AIM2: variants seen among roughly 807,000 people sequenced by gnomAD.
AIM2 encodes the protein interferon-inducible protein AIM2.
In AIM2, 30 loss-of-function variants were observed where a neutral mutation model predicts 27.7. The ratio of observed to expected loss-of-function variants is 1.08; its 90% CI spans 0.81 to 1.47. The LOEUF is 1.47. Ranked by LOEUF, AIM2 falls within the 40% of genes most tolerant of loss-of-function variation. AIM2 has a pLI of 0.00. For synonymous variants in AIM2, 141 were observed against 145.3 expected, an observed-to-expected ratio of 0.97 and a Z score of 0.21; for missense variants, 358 against 411.3, an observed-to-expected ratio of 0.87 and a Z score of 1.12.
downstream of AIM2, among the ~76,000 whole-genome samples, chr1:159,061,532 A>G (rs542573155): frequency 2.7e-5 from 4 of 146,724 alleles, no homozygotes; most frequent in South Asian, 6.5e-4. Context: ...AGCTGGGATT[A>G]CAGGTGCCCA....
In AIM2 at chr1:159,102,990, CA is replaced by C. The variant is rs1039321574; in HGVS notation, c.-15-36662del. Among the ~76,000 whole-genome samples the C allele has an allele frequency of 1.1e-3, 167 of 152,218 alleles. 1 individual carries two copies. The highest frequency in any genetic ancestry group is 3.8e-3 in the African/African-American group (159 of 41,520). On this transcript the variant is annotated intron_variant, in intron 1 of 2. Coordinates refer to the AIM2 transcript ENST00000368129. ...TGAGGACATGAGATTTGGGAGGGGT[CA>C]GGGGTGGGAAGTTATAGTTTGCCTC...
chr1:159,143,537 G>A (rs1032697851), upstream of AIM2, among the ~76,000 whole-genome samples: 9 of 150,386 alleles, frequency 6.0e-5, no homozygotes, highest in Non-Finnish European at 1.0e-4. Flanking sequence ...GTAAGGGAAA[G>A]GAAAAGCTAG....
At chr1:159,120,066 T>C (rs1399207600) in intron 1 of AIM2, among the ~76,000 whole-genome samples, 3 of 152,188 alleles carry the variant, frequency 2.0e-5, no homozygotes, top group Non-Finnish European at 2.9e-5. Context: ...TCTCCCCTCC[T>C]AATTTCTTTG....
intron 2 of AIM2, among the ~76,000 whole-genome samples, chr1:159,071,443 A>G (rs978746589): frequency 6.6e-6 from 1 of 152,260 alleles, no homozygotes; most frequent in African/African-American, 2.4e-5. Context: ...CCGTGGATAG[A>G]ATTTTAGAGC....
At chr1:159,139,701 G>T (rs1648075515) in intron 1 of AIM2, among the ~76,000 whole-genome samples, 2 of 152,166 alleles carry the variant, frequency 1.3e-5, no homozygotes, top group African/African-American at 4.8e-5. Flanking sequence ...CACATAAAGA[G>T]CTGGCTCTAT....
chr1:159,121,774 A>G (rs952609539), intron 1 of AIM2, among the ~76,000 whole-genome samples: 2 of 152,164 alleles, frequency 1.3e-5, no homozygotes, highest in Non-Finnish European at 2.9e-5. Context: ...AGTGTGAGAA[A>G]GTATCCTTTC....
At chr1:159,088,176 G>A (rs1264157036) in intron 1 of AIM2, among the ~76,000 whole-genome samples, 1 of 152,112 alleles carries the variant, frequency 6.6e-6, no homozygotes, top group Non-Finnish European at 1.5e-5. Context: ...TTGAGGTCTG[G>A]GGGTGACTGA....
upstream of AIM2, chr1:159,081,566 G>A: frequency 2.0e-6 from 1 of 490,946 alleles, no homozygotes; most frequent in Non-Finnish European, 4.2e-6. Flanking sequence ...AGGCTCTTGA[G>A]TATTGATTTT....
chr1:159,138,097 GTT>G (rs1648045397), intron 1 of AIM2, among the ~76,000 whole-genome samples: 1 of 152,194 alleles, frequency 6.6e-6, no homozygotes, highest in Non-Finnish European at 1.5e-5. Context: ...GCATGGGAAA[GTT>G]ATGTTATCTA....
intron 2 of AIM2, 46 bp from the exon 3 acceptor site, chr1:159,068,747 G>A (rs776998502): frequency 1.3e-6 from 2 of 1,573,936 alleles, no homozygotes; most frequent in Non-Finnish European, 1.7e-6. Flanking sequence ...ATAAACATAT[G>A]AGCAGTGCAC....
At chr1:159,139,861 G>C (rs1406688646) in intron 1 of AIM2, among the ~76,000 whole-genome samples, 1 of 152,042 alleles carries the variant, frequency 6.6e-6, no homozygotes, top group South Asian at 2.1e-4. Flanking sequence ...GCAAACCATC[G>C]AGTGGGCCCT....
intron 1 of AIM2, among the ~76,000 whole-genome samples, chr1:159,131,010 G>A (rs1169441993): frequency 6.6e-6 from 1 of 152,006 alleles, no homozygotes; most frequent in African/African-American, 2.4e-5. Context: ...ACAGCTTAAT[G>A]CCACTTCTTC....
intron 1 of AIM2, among the ~76,000 whole-genome samples, chr1:159,085,516 C>A (rs1656887671): frequency 6.6e-6 from 1 of 152,058 alleles, no homozygotes; most frequent in South Asian, 2.1e-4. Flanking sequence ...GGAGGTGTTG[C>A]GTTTGAGGTG....
chr1:159,126,829 A>T (rs768210013), intron 1 of AIM2, among the ~76,000 whole-genome samples: 18 of 152,116 alleles, frequency 1.2e-4, no homozygotes, highest in Non-Finnish European at 2.4e-4. Context: ...TAGACAAAAA[A>T]CCTGGAAAAA....
At chr1:159,065,643 A>C (rs2101966384) in intron 4 of AIM2, among the ~76,000 whole-genome samples, 1 of 152,382 alleles carries the variant, frequency 6.6e-6, no homozygotes. Context: ...AATAATGCAG[A>C]AATAAAAATT....
At chr1:159,142,824 C>A (rs115896076), upstream of AIM2, among the ~76,000 whole-genome samples, 72 of 152,304 alleles carry the variant, frequency 4.7e-4, no homozygotes, top group Non-Finnish European at 9.6e-4. Context: ...ACTTTCAGCT[C>A]ATTTTCTCCT....
Position 159,113,959 on chromosome 1 carries a change from A to C in AIM2, c.-16+26472T>G, listed in dbSNP as rs368629733. Among the ~76,000 whole-genome samples the C allele has an allele frequency of 5.3e-5, 8 of 152,332 alleles. No homozygotes were observed. In the East Asian group the frequency reaches 1.5e-3, roughly 29 times the overall value. ...GGGAAAGAGAAGGCACAAGTGTTAC[A>C]GGATTTTAAGGCTCCTCCCATTAAA... On this transcript the variant is annotated intron_variant, in intron 1 of 2. Coordinates refer to the AIM2 transcript ENST00000368129.
chr1:159,107,610 G>A (rs1039521872), intron 1 of AIM2, among the ~76,000 whole-genome samples: 21 of 151,932 alleles, frequency 1.4e-4, no homozygotes, highest in Non-Finnish European at 1.5e-5. Context: ...AAATATAAAC[G>A]AAACAAAAAG....
chr1:159,097,190 T>G (rs1363743234), intron 1 of AIM2, among the ~76,000 whole-genome samples: 1 of 152,092 alleles, frequency 6.6e-6, no homozygotes, highest in Non-Finnish European at 1.5e-5. Flanking sequence ...TACTAGCCAC[T>G]GTGCCAATAC....
Sources: gnomAD v4.1 joint callset for allele counts (sites outside exome capture counted in the v4.1 genomes callset) on GRCh38, gnomAD v4.1.1 for gene constraint, MANE v1.5 for transcripts, NCBI Gene and HGNC (gene_info 2026-07-23, HGNC 2026-07-21) for gene names.